Variants in PHLPP2 observed in about 807,000 individuals in gnomAD.
PHLPP2 encodes PH domain leucine-rich repeat-containing protein phosphatase 2.
PHLPP2 carries 66 observed loss-of-function variants against 124.9 expected under a neutral mutation model. The ratio of observed to expected loss-of-function variants is 0.53; its 90% CI spans 0.43 to 0.65. The LOEUF (loss-of-function observed/expected upper bound fraction) is 0.65. PHLPP2 is among the 30% of genes least tolerant of loss of function. PHLPP2 has a pLI of 0.00. For missense variants in PHLPP2, 1,685 were observed against 1,600.4 expected (o/e 1.05, Z -0.90); for synonymous variants, 681 against 624.7 (o/e 1.09, Z -1.34).
intron 2 of PHLPP2, among the ~76,000 whole-genome samples, chr16:71,708,652 G>A (rs962209295): frequency 6.6e-6 from 1 of 152,196 alleles, no homozygotes; most frequent in African/African-American, 2.4e-5. Flanking sequence ...TGCGCCTGGT[G>A]TTGCGCGCCT....
rs1487806363 is a variant in PHLPP2 at position 71,647,270 on chromosome 16, G to A, written c.*1620C>T. On this transcript the variant is annotated 3_prime_UTR_variant, in exon 19 of 19. Transcript: ENST00000568954. ...CCAATGGAAAAAGTGACAGAAGTAT[G>A]AAGAAACTGCATTTTGCTAGGGTTA... The A allele has an allele frequency of 6.5e-6, 1 of 152,730 alleles. No homozygotes were observed. The highest frequency in any genetic ancestry group is 1.9e-4 in the East Asian group (1 of 5,184). The allele number at this position is 152,730 out of a possible 1,614,324, so 9.5% of individuals were successfully genotyped here.
intron 2 of PHLPP2, among the ~76,000 whole-genome samples, chr16:71,711,101 G>A (rs1353625494): frequency 9.2e-5 from 14 of 151,916 alleles, no homozygotes; most frequent in East Asian, 1.9e-4. Flanking sequence ...AGGCCGAGGC[G>A]GGCAGATCAC....
Position 71,655,438 on chromosome 16 carries a change from T to C in PHLPP2, c.2391-4A>G, listed in dbSNP as rs770030171. ...AGCAAGTGCTGAGACACACAGCCTA[T>C]AATAGAAACATGAAAACAGAAAACA... is the stretch of plus-strand genomic sequence containing the variant. On this transcript the variant is annotated splice_polypyrimidine_tract_variant and splice_region_variant and intron_variant, in intron 16 of 18. Transcript: ENST00000568954. The C allele has an allele frequency of 1.9e-6, 3 of 1,600,622 alleles. No homozygotes were observed. The highest frequency in any genetic ancestry group is 2.7e-5 in the African/African-American group (2 of 74,236).
intron 3 of PHLPP2, among the ~76,000 whole-genome samples, chr16:71,693,519 A>G (rs2045136373): frequency 6.6e-6 from 1 of 152,134 alleles, no homozygotes; most frequent in African/African-American, 2.4e-5. Context: ...CCTATTCCCT[A>G]GTTCAGATCC....
chr16:71,718,889 T>C (rs2045380537), intron 1 of PHLPP2, among the ~76,000 whole-genome samples: 1 of 152,194 alleles, frequency 6.6e-6, no homozygotes, highest in South Asian at 2.1e-4. Flanking sequence ...TTAAAAGGCC[T>C]GGATATTAAG....
intron 2 of PHLPP2, among the ~76,000 whole-genome samples, chr16:71,713,279 T>G (rs1452254929): frequency 6.6e-6 from 1 of 152,222 alleles, no homozygotes; most frequent in Non-Finnish European, 1.5e-5. Context: ...AGAGCAAGTC[T>G]GAGCTCATTC....
intron 3 of PHLPP2, among the ~76,000 whole-genome samples, chr16:71,699,976 G>C (rs185332688): frequency 1.3e-5 from 2 of 152,328 alleles, no homozygotes; most frequent in East Asian, 1.9e-4. Context: ...CAATCAGCTA[G>C]CCAGTTCACG....
At chr16:71,722,302 C>T (rs1316097752) in intron 1 of PHLPP2, among the ~76,000 whole-genome samples, 1 of 152,008 alleles carries the variant, frequency 6.6e-6, no homozygotes, top group African/African-American at 2.4e-5. Context: ...GGTGTGGTGG[C>T]GGGTGCCCGT....
intron 3 of PHLPP2, among the ~76,000 whole-genome samples, chr16:71,692,477 T>C (rs1253657561): frequency 1.3e-5 from 2 of 152,346 alleles, no homozygotes; most frequent in South Asian, 2.1e-4. Flanking sequence ...GTTTCCCATA[T>C]ACAATATGAG....
chr16:71,718,750 A>T (rs1174876420), intron 1 of PHLPP2, among the ~76,000 whole-genome samples: 2 of 152,080 alleles, frequency 1.3e-5, no homozygotes, highest in African/African-American at 4.8e-5. Context: ...CAAAATATAC[A>T]CGCTGTTGGT....
intron 2 of PHLPP2, 113 bp downstream of exon 2, chr16:71,714,399 T>C (rs957858371): frequency 7.4e-7 from 1 of 1,357,586 alleles, no homozygotes; most frequent in African/African-American, 1.5e-5. Context: ...GCCCAGTGAG[T>C]CCGTAATCAA....
At chr16:71,697,215 T>TAAAA (rs1555547738) in intron 3 of PHLPP2, among the ~76,000 whole-genome samples, 25 of 82,578 alleles carry the variant, frequency 3.0e-4, no homozygotes, top group East Asian at 9.6e-4. Flanking sequence ...AATAAATAAA[T>TAAAA]AAAAAGAAAC....
At chr16:71,668,439 AAAAAG>A (rs2044859587) in intron 11 of PHLPP2, among the ~76,000 whole-genome samples, 1 of 149,140 alleles carries the variant, frequency 6.7e-6, no homozygotes, top group Admixed American at 6.7e-5. Context: ...AAAAAAAAAA[AAAAAG>A]AGTGAAGGCT....
At chr16:71,693,507 T>C (rs747876224) in intron 3 of PHLPP2, among the ~76,000 whole-genome samples, 1 of 152,186 alleles carries the variant, frequency 6.6e-6, no homozygotes, top group African/African-American at 2.4e-5. Flanking sequence ...GAACAATTCC[T>C]TCCTATTCCC....
intron 2 of PHLPP2, among the ~76,000 whole-genome samples, chr16:71,708,841 C>T (rs1339021221): frequency 6.6e-6 from 1 of 152,094 alleles, no homozygotes; most frequent in African/African-American, 2.4e-5. Context: ...CCTGTAGTCC[C>T]AGCTACTCAG....
chr16:71,682,218 G>GTT (rs537663645), intron 5 of PHLPP2, among the ~76,000 whole-genome samples: 16 of 134,680 alleles, frequency 1.2e-4, no homozygotes, highest in East Asian at 2.1e-4. Context: ...TTGTTTTTGG[G>GTT]TTTTTTTTTT....
chr16:71,676,846 T>C (rs945708262), intron 8 of PHLPP2, 197 bp from the exon 9 acceptor site: 4 of 543,880 alleles, frequency 7.4e-6, no homozygotes, highest in Non-Finnish European at 9.9e-6. Context: ...CCTCCCAGGT[T>C]AAAGCGATTC....
At chr16:71,715,757 C>T (rs1467902097) in intron 1 of PHLPP2, among the ~76,000 whole-genome samples, 1 of 147,100 alleles carries the variant, frequency 6.8e-6, no homozygotes, top group Non-Finnish European at 1.5e-5. Flanking sequence ...GGTGAGGGAT[C>T]ATTTGAGGTC....
intron 1 of PHLPP2, among the ~76,000 whole-genome samples, chr16:71,720,065 G>T (rs909742882): frequency 6.7e-6 from 1 of 149,784 alleles, no homozygotes; most frequent in African/African-American, 2.5e-5. Context: ...GCCCCCCGGG[G>T]TTCATGCCAT....
Sources: gnomAD v4.1 joint callset for allele counts (sites outside exome capture counted in the v4.1 genomes callset) on GRCh38, gnomAD v4.1.1 for gene constraint, MANE v1.5 for transcripts, NCBI Gene and HGNC (gene_info 2026-07-23, HGNC 2026-07-21) for gene names.